COL4A2: variants seen among roughly 807,000 people sequenced by gnomAD.
COL4A2 encodes the protein collagen type IV alpha 2 chain, also known as collagen alpha-2(IV) chain.
Under a neutral mutation model 200.2 loss-of-function variants are expected in COL4A2, and 99 were observed. That is an observed-to-expected ratio of 0.49 (90% CI 0.42 to 0.58). The LOEUF (loss-of-function observed/expected upper bound fraction) is 0.58, where lower values mean the gene tolerates loss of function less well. Ranked by LOEUF, COL4A2 falls within the 20% of genes least tolerant of loss-of-function variation. COL4A2 has a pLI of 0.00. For synonymous variants in COL4A2, 897 were observed against 900.6 expected, an observed-to-expected ratio of 1.00 and a Z score of 0.07; for missense variants, 1,950 against 2,314.1, an observed-to-expected ratio of 0.84 and a Z score of 3.23.
chr13:110,350,467 G>A (rs949051998), intron 3 of COL4A2, among the ~76,000 whole-genome samples: 3 of 152,154 alleles, frequency 2.0e-5, no homozygotes, highest in Admixed American at 6.5e-5. Flanking sequence ...GCTCAGAGCC[G>A]CCCCAGATGC....
chr13:110,307,288 G>A lies in COL4A2; in HGVS notation c.-285G>A, dbSNP rs942626270. On this transcript the variant is annotated 5_prime_UTR_variant, in exon 1 of 48. The change creates a new upstream start codon in the 5' untranslated region. Coordinates refer to ENST00000360467, the MANE Select transcript of COL4A2 (RefSeq NM_001846.4). The surrounding 1 kb of genome is among the most constrained non-coding windows in gnomAD (Gnocchi z 5.0). ...CGGCGGGAGCGCGCGGCCCGGGAGT[G>A]TGGCTGCAGTGCGCCGGGACACCAG... The A allele has an allele frequency of 1.3e-5, 5 of 391,702 alleles. No homozygotes were observed. The allele number at this position is 391,702 out of a possible 1,614,324, so 24.3% of individuals were successfully genotyped here. A position where few individuals can be genotyped will look rare whatever the true frequency, so the allele number is the denominator to read the frequency against.
chr13:110,497,758 G>T (rs9559830), intron 40 of COL4A2, among the ~76,000 whole-genome samples: 16 of 77,960 alleles, frequency 2.1e-4, no homozygotes, highest in South Asian at 1.8e-3. Flanking sequence ...GAGGATCTGG[G>T]GTCAGTCCAG....
In COL4A2 at chr13:110,493,280, C is replaced by T. The variant is rs1883349875; in HGVS notation, c.3632C>T (p.Pro1211Leu). Residue 1211 changes from proline (P) to leucine (L), a missense_variant and splice_region_variant, in exon 39 of 48, where the codon CCA becomes CTA. Physicochemically the swap from Pro to Leu is moderately conservative, Grantham distance 98. Transcript: ENST00000360467. Reference protein sequence around the residue: ...LPGTKGFPGSPGSDIHGDPGF... With the variant: ...LPGTKGFPGSLGSDIHGDPGF... ...GGCACCAAGGGCTTTCCAGGATCCC[C>T]AGGTACTCTGTGCCGTCCCAGCCCC... The T allele has an allele frequency of 3.7e-6, 6 of 1,614,148 alleles. No individual in the cohort carries two copies. The highest frequency in any genetic ancestry group is 5.1e-6 in the Non-Finnish European group (6 of 1,180,024).
At chr13:110,327,360 A>T (rs1885446595) in intron 3 of COL4A2, among the ~76,000 whole-genome samples, 1 of 152,206 alleles carries the variant, frequency 6.6e-6, no homozygotes, top group African/African-American at 2.4e-5. Context: ...CACTCCGGGT[A>T]TTTCAGACAA....
At chr13:110,450,539 G>A (rs1234735827) in intron 20 of COL4A2, 85 bp downstream of exon 20, 2 of 1,503,194 alleles carry the variant, frequency 1.3e-6, no homozygotes, top group South Asian at 1.2e-5. Context: ...GGGATTCTCT[G>A]CTAAATGACT....
intron 4 of COL4A2, among the ~76,000 whole-genome samples, chr13:110,362,222 G>C (rs1315558086): frequency 6.6e-6 from 1 of 152,168 alleles, no homozygotes; most frequent in Non-Finnish European, 1.5e-5. Context: ...ATGATTCAGG[G>C]CTCTGTTGTT....
intron 4 of COL4A2, among the ~76,000 whole-genome samples, chr13:110,423,870 C>A (rs1450267513): frequency 2.0e-5 from 3 of 152,204 alleles, no homozygotes; most frequent in South Asian, 4.1e-4. Context: ...CCTCAAGGTT[C>A]TTCCGTGTCA....
At position 110,450,322 on chromosome 13, in the gene COL4A2, C is replaced by A. The variant is rs1333913921; in HGVS notation, c.1207C>A (p.Pro403Thr). 5 of 1,613,520 alleles carry A rather than the reference C, an allele frequency of 3.1e-6. No homozygotes were observed. Among genetic ancestry groups the A allele is most frequent in the African/African-American group, 1.3e-5 (1 of 74,928 alleles). ...IGDGDQRRGLPGEMGPKGFIG... is the reference protein window; with the variant it reads ...IGDGDQRRGLTGEMGPKGFIG... ...GGTTTCAGATCAGAGGAGAGGCCTG[C>A]CGGGTGAGATGGGACCCAAGGGCTT... is the stretch of plus-strand genomic sequence containing the variant. Residue 403 changes from proline to threonine, a missense_variant, in exon 20 of 48, where the codon CCG (proline) becomes ACG (threonine). Transcript: ENST00000360467.
Position 110,383,836 on chromosome 13 carries a change from G to A in COL4A2, c.180+26284G>A, listed in dbSNP as rs534851296. On this transcript the variant is annotated intron_variant, in intron 4 of 47. Transcript: ENST00000360467. Reference sequence around the variant, plus strand: ...CCTGTTGGCTAGGCTGGTCTCGAACGCCTGGTCTCAAGCTATCTGACCACC... The same window carrying A: ...CCTGTTGGCTAGGCTGGTCTCGAACACCTGGTCTCAAGCTATCTGACCACC... Among the ~76,000 whole-genome samples the A allele has an allele frequency of 1.7e-4, 26 of 152,078 alleles. 1 individual carries two copies. In the South Asian group the frequency reaches 4.6e-3, roughly 27 times the overall value.
intron 4 of COL4A2, among the ~76,000 whole-genome samples, chr13:110,415,297 T>C (rs979044478): frequency 6.6e-6 from 1 of 152,196 alleles, no homozygotes; most frequent in Non-Finnish European, 1.5e-5. Flanking sequence ...AAGATAAAAT[T>C]TTTTTAAAGG....
At chr13:110,396,282 G>C (rs1463640898) in intron 4 of COL4A2, among the ~76,000 whole-genome samples, 1 of 152,230 alleles carries the variant, frequency 6.6e-6, no homozygotes, top group Admixed American at 6.5e-5. Context: ...TTGTGTGACT[G>C]AATCTCGCAG....
At chr13:110,396,226 G>C (rs1476953815) in intron 4 of COL4A2, among the ~76,000 whole-genome samples, 1 of 152,204 alleles carries the variant, frequency 6.6e-6, no homozygotes, top group Non-Finnish European at 1.5e-5. Flanking sequence ...TGATACCAGT[G>C]TTGGCCTTCC....
At chr13:110,394,043 G>A (rs961701342) in intron 4 of COL4A2, among the ~76,000 whole-genome samples, 9 of 152,300 alleles carry the variant, frequency 5.9e-5, no homozygotes, top group Admixed American at 5.2e-4. Context: ...GTGTGCTGAA[G>A]AGTCAGATGG....
chr13:110,441,019 G>A lies in COL4A2; in HGVS notation c.957+1186G>A, dbSNP rs80254748. Among the ~76,000 whole-genome samples, 92 of 152,298 alleles carry A rather than the reference G, an allele frequency of 6.0e-4. 1 individual carries two copies. Among genetic ancestry groups the A allele is most frequent in the African/African-American group, 2.0e-3 (82 of 41,546 alleles). ...CAATAGGTGCGCCATATTTCCTTAC[G>A]CCCTCGAGGTGGTTTTCATATTTCC... is the stretch of plus-strand genomic sequence containing the variant. On this transcript the variant is annotated intron_variant, in intron 16 of 47. Transcript: ENST00000360467.
At chr13:110,374,502 C>CT (rs1165680920) in intron 4 of COL4A2, among the ~76,000 whole-genome samples, 2 of 152,220 alleles carry the variant, frequency 1.3e-5, no homozygotes, top group African/African-American at 4.8e-5. Context: ...AAGCAAAAGT[C>CT]TATAAGGCCA....
rs377272278 is a variant in COL4A2 at position 110,474,762 on chromosome 13, C to G, written c.2425+1612C>G. On this transcript the variant is annotated intron_variant, in intron 29 of 47. Transcript: ENST00000360467. Reference sequence around the variant, plus strand: ...ACACGTGCCGTGCACACTCACACATCACACACGCACGTACCCACACACGTG... The same window carrying G: ...ACACGTGCCGTGCACACTCACACATGACACACGCACGTACCCACACACGTG... Among the ~76,000 whole-genome samples the G allele has an allele frequency of 8.2e-3, 459 of 55,642 alleles. 30 individuals carry two copies. Among genetic ancestry groups the G allele is most frequent in the South Asian group, 0.011 (19 of 1,660 alleles). The allele number at this position is 55,642 out of a possible 152,430, so 36.5% of individuals were successfully genotyped here.
intron 18 of COL4A2, among the ~76,000 whole-genome samples, chr13:110,447,448 C>T (rs1881371725): frequency 6.6e-6 from 1 of 152,112 alleles, no homozygotes; most frequent in Non-Finnish European, 1.5e-5. Flanking sequence ...CACTAATGCT[C>T]ATCTTGTTAT....
At chr13:110,430,506 T>G in intron 9 of COL4A2, 39 bp from the exon 10 acceptor site, 1 of 1,614,198 alleles carries the variant, frequency 6.2e-7, no homozygotes, top group Non-Finnish European at 8.5e-7. Context: ...AGTACCAGTT[T>G]ACCTCTCTTA....
chr13:110,452,203 G>A (rs533319815), intron 20 of COL4A2, among the ~76,000 whole-genome samples: 9 of 152,136 alleles, frequency 5.9e-5, no homozygotes, highest in South Asian at 2.1e-4. Context: ...GCATGACCTC[G>A]GCTCACTGCA....
Sources: allele counts gnomAD v4.1 joint callset (sites outside exome capture counted in the v4.1 genomes callset), GRCh38; gene constraint gnomAD v4.1.1; non-coding constraint Gnocchi (gnomAD v3.1); transcripts MANE v1.5; gene names NCBI Gene and HGNC (gene_info 2026-07-23, HGNC 2026-07-21).